STX8: variants seen among roughly 807,000 people sequenced by gnomAD.
STX8 encodes syntaxin 8, also known as syntaxin-8.
A neutral mutation model predicts 37.5 loss-of-function variants in STX8; 23 were observed. The observed-to-expected ratio is 0.61, with a 90% CI of 0.44 to 0.87. The LOEUF (loss-of-function observed/expected upper bound fraction) is 0.87, where lower values mean the gene tolerates loss of function less well. Among genes scored for constraint, STX8 ranks in the 40% least tolerant of loss-of-function variants. STX8 has a pLI of 0.00. For synonymous variants in STX8, 115 were observed against 99.1 expected, an observed-to-expected ratio of 1.16 and a Z score of -0.95; for missense variants, 313 against 284.7, an observed-to-expected ratio of 1.10 and a Z score of -0.71.
At position 9,523,474 on chromosome 17, in the gene STX8, G is replaced by A. The variant is rs182888664; in HGVS notation, c.324-18312C>T. Among the ~76,000 whole-genome samples, 17 of 152,188 alleles carry A rather than the reference G, an allele frequency of 1.1e-4. No homozygotes were observed. In the East Asian group the frequency reaches 3.1e-3, roughly 28 times the overall value. ...ACTTATATAATATGAGGGAGTTGGT[G>A]TTCCTAGAGCCATGCCTTTTTGACA... On this transcript the variant is annotated intron_variant, in intron 4 of 7. Coordinates refer to ENST00000306357, the MANE Select transcript of STX8 (RefSeq NM_004853.3).
At chr17:9,368,267 G>A (rs903484627) in intron 7 of STX8, among the ~76,000 whole-genome samples, 3 of 152,168 alleles carry the variant, frequency 2.0e-5, no homozygotes, top group African/African-American at 7.2e-5. Flanking sequence ...CACTTTGGGA[G>A]GCCGAGGAGG....
At chr17:9,397,780 T>C (rs982209501) in intron 6 of STX8, among the ~76,000 whole-genome samples, 34 of 152,056 alleles carry the variant, frequency 2.2e-4, no homozygotes, top group African/African-American at 8.0e-4. Flanking sequence ...AAGACCAGCC[T>C]GGTCAACATG....
At chr17:9,492,449 A>C (rs1906896552) in intron 5 of STX8, among the ~76,000 whole-genome samples, 1 of 152,230 alleles carries the variant, frequency 6.6e-6, no homozygotes, top group Non-Finnish European at 1.5e-5. Context: ...TAGGTGAATA[A>C]GTTTTACTGA....
At chr17:9,291,200 T>A (rs549345364) in intron 7 of STX8, among the ~76,000 whole-genome samples, 1 of 152,234 alleles carries the variant, frequency 6.6e-6, no homozygotes, top group East Asian at 1.9e-4. Context: ...CTCCCAGCAC[T>A]TTGGGAGGCC....
At chr17:9,286,435 C>T (rs946070790) in intron 7 of STX8, among the ~76,000 whole-genome samples, 12 of 152,138 alleles carry the variant, frequency 7.9e-5, no homozygotes, top group African/African-American at 2.7e-4. Context: ...CCAGAGCTGA[C>T]GATTTTATGC....
At chr17:9,564,979 G>A (rs7405879) in intron 2 of STX8, among the ~76,000 whole-genome samples, 102,156 of 152,062 alleles carry the variant, frequency 0.67, 37,455 homozygotes, top group East Asian at 0.98. Flanking sequence ...AAGCCAAGGC[G>A]GGAGGATCAT....
chr17:9,531,263 A>AT (rs34726064), intron 4 of STX8, among the ~76,000 whole-genome samples: 69,406 of 152,018 alleles, frequency 0.46, 16,874 homozygotes, highest in Non-Finnish European at 0.54. Context: ...ATCTCTTTGC[A>AT]TTAACCATAT....
intron 6 of STX8, among the ~76,000 whole-genome samples, chr17:9,454,418 C>T (rs1047016227): frequency 1.2e-4 from 19 of 152,210 alleles, no homozygotes; most frequent in Non-Finnish European, 2.2e-4. Context: ...GTGGCTCACG[C>T]CTGTAATCCC....
At chr17:9,309,159 T>C (rs531708161) in intron 7 of STX8, among the ~76,000 whole-genome samples, 20 of 152,200 alleles carry the variant, frequency 1.3e-4, no homozygotes, top group Middle Eastern at 3.4e-3. Flanking sequence ...TATCCAGAGC[T>C]CTTTGCAAAA....
chr17:9,303,897 G>A (rs1248207312), intron 7 of STX8, among the ~76,000 whole-genome samples: 2 of 151,942 alleles, frequency 1.3e-5, no homozygotes, highest in East Asian at 1.9e-4. Flanking sequence ...CTTTCTCACC[G>A]TGACTTAAAA....
intron 6 of STX8, among the ~76,000 whole-genome samples, chr17:9,441,263 G>A (rs150197196): frequency 4.6e-5 from 7 of 152,044 alleles, no homozygotes; most frequent in African/African-American, 7.2e-5. Context: ...AGGCCAAGGC[G>A]GGCGGATCAC....
Position 9,275,259 on chromosome 17 carries a change from G to T in STX8, c.644-24614C>A, listed in dbSNP as rs532105503. On this transcript the variant is annotated intron_variant, in intron 7 of 7. Coordinates refer to ENST00000306357, the MANE Select transcript of STX8 (RefSeq NM_004853.3). ...GTATATTTCCACTTTCACTCCAAGC[G>T]TCCATGGGAACTTCTTTCCTTTGTC... Among the ~76,000 whole-genome samples the T allele has an allele frequency of 3.9e-5, 6 of 152,182 alleles. No individual in the cohort carries two copies. The East Asian group carries it at 1.2e-3, about 29-fold the overall frequency.
At chr17:9,537,714 G>C (rs368993096) in intron 4 of STX8, among the ~76,000 whole-genome samples, 4 of 152,292 alleles carry the variant, frequency 2.6e-5, no homozygotes, top group African/African-American at 9.6e-5. Flanking sequence ...TAAAAATTGT[G>C]CTAGGCTTTG....
chr17:9,313,832 A>T (rs1052279491), intron 7 of STX8, among the ~76,000 whole-genome samples: 3 of 152,022 alleles, frequency 2.0e-5, no homozygotes, highest in African/African-American at 7.2e-5. Flanking sequence ...GGGTTTCACT[A>T]TGTTAGCCAG....
chr17:9,505,790 A>T (rs938102539), intron 4 of STX8, among the ~76,000 whole-genome samples: 1 of 152,052 alleles, frequency 6.6e-6, no homozygotes, highest in African/African-American at 2.4e-5. Flanking sequence ...AACACAAAAA[A>T]AATTAGCCGG....
At chr17:9,377,214 T>C (rs1467492470) in intron 7 of STX8, among the ~76,000 whole-genome samples, 1 of 152,106 alleles carries the variant, frequency 6.6e-6, no homozygotes, top group Non-Finnish European at 1.5e-5. Context: ...ATGGAGAGGA[T>C]CCATTACATT....
chr17:9,408,973 A>G (rs1912890817), intron 6 of STX8, among the ~76,000 whole-genome samples: 1 of 152,084 alleles, frequency 6.6e-6, no homozygotes, highest in Admixed American at 6.5e-5. Flanking sequence ...AGGCCAAGCC[A>G]CAAACTGGAA....
chr17:9,544,718 C>T (rs62066231), intron 4 of STX8, among the ~76,000 whole-genome samples: 1,654 of 152,240 alleles, frequency 0.011, 16 homozygotes, highest in Non-Finnish European at 0.017. Flanking sequence ...ACTGGCCGGG[C>T]GCAGTGGCTC....
intron 7 of STX8, among the ~76,000 whole-genome samples, chr17:9,328,756 G>C (rs1217379371): frequency 6.6e-6 from 1 of 152,110 alleles, no homozygotes; most frequent in African/African-American, 2.4e-5. Flanking sequence ...ATGTAATTAA[G>C]ATGGTGGCTG....
Sources: allele counts gnomAD v4.1 joint callset (sites outside exome capture counted in the v4.1 genomes callset), GRCh38; gene constraint gnomAD v4.1.1; transcripts MANE v1.5; gene names NCBI Gene and HGNC (gene_info 2026-07-23, HGNC 2026-07-21).